NPAS3: variants seen among roughly 807,000 people sequenced by gnomAD.
The protein encoded by NPAS3 is neuronal PAS domain-containing protein 3.
Under a neutral mutation model 73.1 loss-of-function variants are expected in NPAS3, and 14 were observed. The observed-to-expected ratio is 0.19, with a 90% CI of 0.13 to 0.30. The LOEUF (loss-of-function observed/expected upper bound fraction) is 0.30. Ranked by LOEUF, NPAS3 falls within the 10% of genes least tolerant of loss-of-function variation. The pLI is 1.00. For missense variants in NPAS3, 1,096 were observed against 1,250.0 expected, an observed-to-expected ratio of 0.88 and a Z score of 1.86; for synonymous variants, 620 against 541.5, an observed-to-expected ratio of 1.14 and a Z score of -2.01.
At chr14:32,989,576 CG>C (rs1202117687) in intron 1 of NPAS3, among the ~76,000 whole-genome samples, 4 of 151,560 alleles carry the variant, frequency 2.6e-5, no homozygotes, top group Admixed American at 6.6e-5. Flanking sequence ...CCCCAGGGGG[CG>C]GAGCCTGCAG....
At chr14:33,692,217 A>G (rs1327937167) in intron 6 of NPAS3, among the ~76,000 whole-genome samples, 1 of 152,204 alleles carries the variant, frequency 6.6e-6, no homozygotes, top group Non-Finnish European at 1.5e-5. Flanking sequence ...TCTTTCAAGA[A>G]CAGACTGAAG....
chr14:33,355,434 G>A (rs918933180), intron 3 of NPAS3, among the ~76,000 whole-genome samples: 9 of 152,044 alleles, frequency 5.9e-5, no homozygotes, highest in African/African-American at 2.2e-4. Flanking sequence ...CCAAGTAGCC[G>A]GGACTACAGG....
rs551705678 is a variant in NPAS3 at position 33,410,777 on chromosome 14, C to G, written c.468+43509C>G. Among the ~76,000 whole-genome samples the G allele has an allele frequency of 4.6e-5, 7 of 152,262 alleles. No individual in the cohort carries two copies. The South Asian group carries it at 1.0e-3, about 23-fold the overall frequency. Reference sequence around the variant, plus strand: ...TCTCCTGCCTCAGTCCCCTGAGTAGCTGGGACTACAGGCATGCGCCACCAC... The same window carrying G: ...TCTCCTGCCTCAGTCCCCTGAGTAGGTGGGACTACAGGCATGCGCCACCAC... On this transcript the variant is annotated intron_variant, in intron 4 of 11. Transcript: ENST00000356141.
intron 4 of NPAS3, among the ~76,000 whole-genome samples, chr14:33,398,447 A>G (rs2047315549): frequency 6.6e-6 from 1 of 150,420 alleles, no homozygotes; most frequent in Non-Finnish European, 1.5e-5. Context: ...CCAGTGATAT[A>G]TTCTGAGCAC....
At chr14:33,189,345 C>T (rs1275420482) in intron 2 of NPAS3, among the ~76,000 whole-genome samples, 3 of 152,118 alleles carry the variant, frequency 2.0e-5, no homozygotes, top group African/African-American at 7.2e-5. Context: ...CTTGTTCATA[C>T]GCTATAGGTG....
intron 9 of NPAS3, among the ~76,000 whole-genome samples, chr14:33,790,996 C>T (rs568764434): frequency 6.6e-6 from 1 of 152,336 alleles, no homozygotes; most frequent in African/African-American, 2.4e-5. Context: ...TTTTGGTAAA[C>T]ATGTTGTCCC....
At chr14:33,356,647 G>C (rs371937496) in intron 3 of NPAS3, among the ~76,000 whole-genome samples, 6 of 152,314 alleles carry the variant, frequency 3.9e-5, no homozygotes, top group East Asian at 1.9e-4. Context: ...GGGCATCTGT[G>C]GGGGGTGCTT....
intron 4 of NPAS3, among the ~76,000 whole-genome samples, chr14:33,416,585 A>G (rs1351657028): frequency 6.6e-6 from 1 of 152,002 alleles, no homozygotes; most frequent in African/African-American, 2.4e-5. Flanking sequence ...ATATTTTTCC[A>G]GCAGTATTGA....
chr14:33,504,729 G>T (rs1231082958), intron 4 of NPAS3, among the ~76,000 whole-genome samples: 1 of 151,946 alleles, frequency 6.6e-6, no homozygotes, highest in South Asian at 2.1e-4. Flanking sequence ...TCAGGGAAAC[G>T]GTGCAAAATA....
chr14:32,948,528 T>C (rs1337485857), intron 1 of NPAS3, among the ~76,000 whole-genome samples: 1 of 152,162 alleles, frequency 6.6e-6, no homozygotes, highest in Non-Finnish European at 1.5e-5. Context: ...TCTTTGCTTC[T>C]CTCTTTCTGT....
rs1034456712 is a variant in NPAS3 at position 33,249,913 on chromosome 14, C to T, written c.385+34487C>T. On this transcript the variant is annotated intron_variant, in intron 3 of 11. Coordinates refer to ENST00000356141, the Ensembl canonical transcript of NPAS3. Reference sequence around the variant, plus strand: ...TTTGGAAGCAAATCTGTCATACACACACACACACACACACACACACACACC... The same window carrying T: ...TTTGGAAGCAAATCTGTCATACACATACACACACACACACACACACACACC... 1.7e-4 allele frequency among the ~76,000 whole-genome samples: 25 copies of T among 151,460 alleles called. 1 individual carries two copies. In the East Asian group the frequency reaches 4.3e-3, roughly 26 times the overall value.
chr14:33,417,763 A>G (rs183427314), intron 4 of NPAS3, among the ~76,000 whole-genome samples: 3 of 152,130 alleles, frequency 2.0e-5, no homozygotes, highest in African/African-American at 4.8e-5. Flanking sequence ...CTTTCTGAAA[A>G]AAAAACATGA....
At chr14:33,675,293 G>A (rs887262548) in intron 5 of NPAS3, among the ~76,000 whole-genome samples, 3 of 152,140 alleles carry the variant, frequency 2.0e-5, no homozygotes, top group Admixed American at 1.3e-4. Context: ...GGAGTACAGA[G>A]GTAAGGCCAG....
intron 3 of NPAS3, among the ~76,000 whole-genome samples, chr14:33,301,653 A>G (rs559182097): frequency 4.6e-5 from 7 of 152,266 alleles, no homozygotes; most frequent in South Asian, 2.1e-4. Flanking sequence ...CTTTTGTAGC[A>G]TTACTAAAAT....
chr14:33,338,758 T>A (rs565696889), intron 3 of NPAS3, among the ~76,000 whole-genome samples: 1 of 152,326 alleles, frequency 6.6e-6, no homozygotes, highest in East Asian at 1.9e-4. Context: ...GACTTTTAAT[T>A]CAAATTTGTT....
intron 2 of NPAS3, among the ~76,000 whole-genome samples, chr14:33,063,483 G>C (rs748954533): frequency 6.6e-6 from 1 of 152,140 alleles, no homozygotes. Flanking sequence ...TTGGAACAAG[G>C]CCATACCCAT....
At chr14:33,631,741 A>C (rs145064308) in intron 5 of NPAS3, among the ~76,000 whole-genome samples, 67 of 152,302 alleles carry the variant, frequency 4.4e-4, no homozygotes, top group African/African-American at 1.5e-3. Flanking sequence ...ATTAGCAAAT[A>C]ACTCTTTTAA....
intron 5 of NPAS3, among the ~76,000 whole-genome samples, chr14:33,620,687 T>C (rs2058053347): frequency 6.6e-6 from 1 of 152,238 alleles, no homozygotes; most frequent in Non-Finnish European, 1.5e-5. Context: ...ACAGTTATAA[T>C]GCACCAAATA....
Position 33,545,170 on chromosome 14 carries a change from C to A in NPAS3, c.469-14951C>A, listed in dbSNP as rs184020821. Among the ~76,000 whole-genome samples the A allele has an allele frequency of 4.9e-3, 740 of 152,024 alleles. 3 individuals are homozygous for A. The highest frequency in any genetic ancestry group is 0.017 in the African/African-American group (693 of 41,482). On this transcript the variant is annotated intron_variant, in intron 4 of 11. Coordinates refer to ENST00000356141, the Ensembl canonical transcript of NPAS3. ...GGAAATATTTTTGACTATGATGAAA[C>A]CTTATCTCAGACATGACTATTGAGT...
Sources: gnomAD v4.1 joint callset for allele counts (sites outside exome capture counted in the v4.1 genomes callset) on GRCh38, gnomAD v4.1.1 for gene constraint, MANE v1.5 for transcripts, NCBI Gene and HGNC (gene_info 2026-07-23, HGNC 2026-07-21) for gene names.